AGPAT3: variants seen among roughly 807,000 people sequenced by gnomAD.
AGPAT3 encodes 1-acyl-sn-glycerol-3-phosphate acyltransferase gamma.
A neutral mutation model predicts 47.3 loss-of-function variants in AGPAT3; 5 were observed. The ratio of observed to expected loss-of-function variants is 0.11; its 90% CI spans 0.06 to 0.22. The LOEUF (loss-of-function observed/expected upper bound fraction) is 0.22. AGPAT3 is among the 10% of genes least tolerant of loss of function. The probability of loss-of-function intolerance (pLI) is 1.00; values close to 1 mark genes in which losing one functional copy is unlikely to be tolerated. For synonymous variants in AGPAT3, 212 were observed against 208.3 expected, an observed-to-expected ratio of 1.02 and a Z score of -0.15; for missense variants, 315 against 493.0, an observed-to-expected ratio of 0.64 and a Z score of 3.42.
chr21:43,962,896 C>A (rs1197707107), intron 3 of AGPAT3, among the ~76,000 whole-genome samples: 1 of 151,980 alleles, frequency 6.6e-6, no homozygotes, highest in Non-Finnish European at 1.5e-5. Flanking sequence ...TGAAGATGAC[C>A]CACTGTGCCC....
intron 2 of AGPAT3, among the ~76,000 whole-genome samples, chr21:43,950,067 C>T (rs1423208383): frequency 2.0e-5 from 3 of 152,318 alleles, no homozygotes; most frequent in Non-Finnish European, 2.9e-5. Flanking sequence ...TGGTGGAGCC[C>T]CCAGAGCCTG....
chr21:43,969,374 C>T, intron 5 of AGPAT3, 95 bp downstream of exon 5: 1 of 1,506,804 alleles, frequency 6.6e-7, no homozygotes, highest in Non-Finnish European at 9.1e-7. Context: ...TGGGAAACCC[C>T]ATGAGAGCCT....
chr21:43,874,981 A>AT (rs1245570048), intron 1 of AGPAT3, among the ~76,000 whole-genome samples: 2 of 151,844 alleles, frequency 1.3e-5, no homozygotes, highest in African/African-American at 2.4e-5. Flanking sequence ...CCATATATGT[A>AT]TTTTTTTCTT....
At chr21:43,906,941 G>C (rs1434600426) in intron 2 of AGPAT3, among the ~76,000 whole-genome samples, 1 of 152,214 alleles carries the variant, frequency 6.6e-6, no homozygotes, top group East Asian at 1.9e-4. Context: ...AGACCTGGCA[G>C]GGGGAACAGG....
At chr21:43,940,054 C>T (rs570224655) in intron 2 of AGPAT3, among the ~76,000 whole-genome samples, 10 of 152,314 alleles carry the variant, frequency 6.6e-5, no homozygotes, top group Admixed American at 5.2e-4. Flanking sequence ...CAGGTGGCAC[C>T]CTGGGGGTGC....
intron 2 of AGPAT3, among the ~76,000 whole-genome samples, chr21:43,917,836 T>G (rs1214041785): frequency 1.7e-4 from 9 of 51,964 alleles, no homozygotes; most frequent in Middle Eastern, 0.011. Flanking sequence ...GGGTTGTGGG[T>G]GTTGTGTTGT....
At chr21:43,950,075 C>A (rs1034399372) in intron 2 of AGPAT3, among the ~76,000 whole-genome samples, 8 of 152,186 alleles carry the variant, frequency 5.3e-5, no homozygotes, top group African/African-American at 1.9e-4. Context: ...CCCCCAGAGC[C>A]TGGGCCCAGA....
chr21:43,923,173 A>T (rs1447476489), intron 2 of AGPAT3, among the ~76,000 whole-genome samples: 1 of 142,638 alleles, frequency 7.0e-6, no homozygotes, highest in East Asian at 2.3e-4. Context: ...CCAGCACACC[A>T]CCAGTGCCCA....
At chr21:43,898,207 G>T (rs1352085248) in intron 1 of AGPAT3, among the ~76,000 whole-genome samples, 2 of 152,146 alleles carry the variant, frequency 1.3e-5, no homozygotes, top group Non-Finnish European at 2.9e-5. Flanking sequence ...CATTTATTTG[G>T]TTTACTTTAA....
intron 1 of AGPAT3, among the ~76,000 whole-genome samples, chr21:43,896,922 T>C (rs924663494): frequency 4.0e-5 from 6 of 151,394 alleles, no homozygotes; most frequent in African/African-American, 1.2e-4. Context: ...GGATCTTTTT[T>C]AAATTGAAGT....
At chr21:43,957,704 C>T (rs2088554921) in intron 2 of AGPAT3, among the ~76,000 whole-genome samples, 1 of 150,622 alleles carries the variant, frequency 6.6e-6, no homozygotes, top group Admixed American at 6.6e-5. Context: ...CTCGGGTTTC[C>T]CCCTCCACAC....
In AGPAT3 at chr21:43,920,515, C is replaced by T. The variant is rs192378953; in HGVS notation, c.-49+16496C>T. Among the ~76,000 whole-genome samples the T allele has an allele frequency of 1.7e-3, 257 of 152,186 alleles. 2 individuals are homozygous for T. The highest frequency in any genetic ancestry group is 5.1e-4 in the Non-Finnish European group (35 of 68,010). ...TGTGGCTGGGGCTCCAGGACAGCCT[C>T]CTGGGGGACTGGTTGCCAGGGCAAC... On this transcript the variant is annotated intron_variant, in intron 2 of 9. Transcript: ENST00000291572. The surrounding 1 kb of genome is among the most constrained non-coding windows in gnomAD (Gnocchi z 6.1).
At chr21:43,887,430 A>G (rs1007050639) in intron 1 of AGPAT3, among the ~76,000 whole-genome samples, 2 of 152,234 alleles carry the variant, frequency 1.3e-5, no homozygotes, top group Non-Finnish European at 2.9e-5. Context: ...AGATGATATC[A>G]GGGACTAAGG....
In AGPAT3 at chr21:43,961,640, G is replaced by C. The variant is rs189649564; in HGVS notation, c.178+1781G>C. On this transcript the variant is annotated intron_variant, in intron 3 of 9. Transcript: ENST00000291572. ...GTCTCATATGGGAAACGGTGAGCGC[G>C]TATACGCTTTGTCTCATGTGGGAAA... Among the ~76,000 whole-genome samples, 8 of 148,442 alleles carry C rather than the reference G, an allele frequency of 5.4e-5. No homozygotes were observed. In the East Asian group the frequency reaches 9.9e-4, roughly 18 times the overall value.
rs73906687 is a variant in AGPAT3 at position 43,959,914 on chromosome 21, G to A, written c.178+55G>A. 6,916 of 1,530,500 alleles carry A rather than the reference G, an allele frequency of 4.5e-3. 248 individuals are homozygous for A. The African/African-American group carries it at 0.077, about 17-fold the overall frequency. The allele number at this position is 1,530,500 out of a possible 1,614,324, so 94.8% of individuals were successfully genotyped here. On this transcript the variant is annotated intron_variant, in intron 3 of 9. Transcript: ENST00000291572. ...CCTGGGGCTCCCGTGGGGGTGGCGC[G>A]CGACCATGCACGGGGCAGCCGTGGG...
At chr21:43,905,811 C>T (rs1404408765) in intron 2 of AGPAT3, among the ~76,000 whole-genome samples, 1 of 152,220 alleles carries the variant, frequency 6.6e-6, no homozygotes, top group African/African-American at 2.4e-5. Context: ...GGACTGTACT[C>T]AGGGCTGAGA....
intron 2 of AGPAT3, among the ~76,000 whole-genome samples, chr21:43,942,403 A>G (rs1352289569): frequency 6.6e-6 from 1 of 152,190 alleles, no homozygotes; most frequent in Non-Finnish European, 1.5e-5. Flanking sequence ...GGCGTCCTTC[A>G]CGAGGCGCTC....
At position 43,897,517 on chromosome 21, in the gene AGPAT3, G is replaced by A. The variant is rs146135795; in HGVS notation, c.-111-6440G>A. ...CTGCAGAAGGGTTCCCAGACAGGGCGGCCGGGCAGAGGCGCTCCTCACATC... is the reference window on the plus strand; with the variant it reads ...CTGCAGAAGGGTTCCCAGACAGGGCAGCCGGGCAGAGGCGCTCCTCACATC... On this transcript the variant is annotated intron_variant, in intron 1 of 9. Coordinates refer to ENST00000291572, the MANE Select transcript of AGPAT3 (RefSeq NM_020132.5). Among the ~76,000 whole-genome samples, 569 of 151,746 alleles carry A rather than the reference G, an allele frequency of 3.7e-3. 3 individuals are homozygous for A. The highest frequency in any genetic ancestry group is 0.012 in the African/African-American group (490 of 41,320).
chr21:43,962,266 T>C (rs1013208244), intron 3 of AGPAT3, among the ~76,000 whole-genome samples: 16 of 152,154 alleles, frequency 1.1e-4, no homozygotes, highest in African/African-American at 3.4e-4. Context: ...CCTCCGAAAG[T>C]GCTGGGATTA....
Sources: gnomAD v4.1 joint callset for allele counts (sites outside exome capture counted in the v4.1 genomes callset) on GRCh38, gnomAD v4.1.1 for gene constraint, Gnocchi (gnomAD v3.1) non-coding constraint, MANE v1.5 for transcripts, NCBI Gene and HGNC (gene_info 2026-07-23, HGNC 2026-07-21) for gene names.